ERAP1: variants seen among roughly 807,000 people sequenced by gnomAD.
ERAP1 encodes the protein endoplasmic reticulum aminopeptidase 1.
In ERAP1, 86 loss-of-function variants were observed where a neutral mutation model predicts 103.7. That is an observed-to-expected ratio of 0.83 (90% CI 0.70 to 0.99). The LOEUF (loss-of-function observed/expected upper bound fraction) is 0.99. ERAP1 is among the 50% of genes least tolerant of loss of function. The pLI is 0.00. For missense variants in ERAP1, 1,009 were observed against 1,128.4 expected, an observed-to-expected ratio of 0.89 and a Z score of 1.52; for synonymous variants, 398 against 402.4, an observed-to-expected ratio of 0.99 and a Z score of 0.13.
At chr5:96,887,657 T>C in the ERAP1 span, among the ~76,000 whole-genome samples, 6 of 152,262 alleles carry the variant, frequency 3.9e-5, no homozygotes, top group Non-Finnish European at 8.8e-5. Context: ...TTTATAATTT[T>C]TAGAGTCTTC....
intron 12 of ERAP1, 107 bp from the exon 13 acceptor site, chr5:96,786,078 A>T: frequency 9.3e-7 from 1 of 1,075,356 alleles, no homozygotes; most frequent in South Asian, 1.4e-5. Flanking sequence ...AATACTGAAA[A>T]ATTTGAAAAC....
chr5:96,841,668 T>G, the ERAP1 span, among the ~76,000 whole-genome samples: 1 of 151,298 alleles, frequency 6.6e-6, no homozygotes, highest in African/African-American at 2.4e-5. Flanking sequence ...AACAGTAACT[T>G]AAAACAATAG....
At chr5:96,848,997 A>G in the ERAP1 span, among the ~76,000 whole-genome samples, 3 of 152,230 alleles carry the variant, frequency 2.0e-5, no homozygotes, top group Non-Finnish European at 4.4e-5. Flanking sequence ...AATGTAATTG[A>G]TCATATTAAC....
chr5:96,818,640 C>T, the ERAP1 span, among the ~76,000 whole-genome samples: 749 of 152,224 alleles, frequency 4.9e-3, 4 homozygotes, highest in African/African-American at 0.016. Flanking sequence ...CTTTCTTCAA[C>T]GCCCGAGGCA....
At chr5:96,915,896 C>A in the ERAP1 span, 1 of 711,324 alleles carries the variant, frequency 1.4e-6, no homozygotes, top group Non-Finnish European at 2.2e-6. Context: ...TGTCCAATGC[C>A]ATATAGCAAG....
chr5:96,786,525 T>C lies in ERAP1; in HGVS notation c.1704A>G (p.Thr568=), dbSNP rs1561679273. The change falls in exon 12 of 19, where the codon ACA becomes ACG. Residue 568 remains threonine (T), a synonymous_variant. Coordinates refer to ENST00000443439, the MANE Select transcript of ERAP1 (RefSeq NM_001040458.3). ...CCATGTCGGATTTGCTGGTGATGAATGTCAATGGAACATGCCACAGGTACC... is the reference window on the plus strand; with the variant it reads ...CCATGTCGGATTTGCTGGTGATGAACGTCAATGGAACATGCCACAGGTACC... ...DTGYLWHVPL[T]FITSKSDMVH... is the part of the protein sequence containing the mutation. 6.2e-7 allele frequency: 1 copy of C among 1,612,868 alleles called. No homozygotes were observed. The highest frequency in any genetic ancestry group is 2.2e-5 in the East Asian group (1 of 44,880).
chr5:96,895,324 A>T, the ERAP1 span: 1 of 1,612,258 alleles, frequency 6.2e-7, no homozygotes, highest in Non-Finnish European at 8.5e-7. Context: ...CATGGAACTT[A>T]TCGCTGTTAA....
chr5:96,791,987 G>T, intron 8 of ERAP1, 74 bp downstream of exon 8: 1 of 1,550,598 alleles, frequency 6.4e-7, no homozygotes, highest in Non-Finnish European at 8.9e-7. Context: ...CCACAACCTT[G>T]CCTATAACTT....
intron 19 of ERAP1, chr5:96,767,480 A>G (rs1241154281): frequency 1.2e-6 from 2 of 1,611,932 alleles, no homozygotes; most frequent in Non-Finnish European, 1.7e-6. Context: ...AGAGGATTCA[A>G]AGGTAAAGAC....
At chr5:96,900,000 C>A in the ERAP1 span, 1 of 1,177,442 alleles carries the variant, frequency 8.5e-7, no homozygotes, top group Non-Finnish European at 1.2e-6. Context: ...TGTTCATTAT[C>A]ATGTCTGGAT....
chr5:96,856,080 G>A, the ERAP1 span, among the ~76,000 whole-genome samples: 3 of 151,392 alleles, frequency 2.0e-5, no homozygotes, highest in Non-Finnish European at 4.4e-5. Flanking sequence ...ACCCCTTTAG[G>A]GAGGCCCAGG....
At chr5:96,925,320 G>A in the ERAP1 span, among the ~76,000 whole-genome samples, 14 of 152,254 alleles carry the variant, frequency 9.2e-5, no homozygotes, top group Non-Finnish European at 4.4e-5. Context: ...TTTTACAAAG[G>A]AGAAAGTGAA....
chr5:96,835,339 T>A, the ERAP1 span, among the ~76,000 whole-genome samples: 1 of 152,286 alleles, frequency 6.6e-6, no homozygotes, highest in East Asian at 1.9e-4. Flanking sequence ...AGAACTTGAT[T>A]GAGGACAAGA....
Position 96,774,600 on chromosome 5 carries a change from G to A in ERAP1, c.*1796C>T. Reference sequence around the variant, plus strand: ...AAGCAAACAAAGATAGGTTCCTCAGGTGACCAAAACTGAAAATCAATATTT... The same window carrying A: ...AAGCAAACAAAGATAGGTTCCTCAGATGACCAAAACTGAAAATCAATATTT... On this transcript the variant is annotated 3_prime_UTR_variant, in exon 19 of 19. Transcript: ENST00000443439. 15 of 985,458 alleles carry A rather than the reference G, an allele frequency of 1.5e-5. No homozygotes were observed. The highest frequency in any genetic ancestry group is 4.7e-5 in the South Asian group (1 of 21,288). 61.0% of individuals were successfully genotyped at this position (985,458 alleles called of 1,614,324 possible). A position where few individuals can be genotyped will look rare whatever the true frequency, so the allele number is the denominator to read the frequency against.
chr5:96,847,108 C>T, the ERAP1 span, among the ~76,000 whole-genome samples: 3 of 149,906 alleles, frequency 2.0e-5, no homozygotes, highest in Admixed American at 6.6e-5. Context: ...AATAGCTGGA[C>T]GTGGCTGCGT....
chr5:96,901,730 C>T, the ERAP1 span: 20 of 1,571,204 alleles, frequency 1.3e-5, no homozygotes, highest in Admixed American at 1.5e-4. Flanking sequence ...TCAGTTTCCT[C>T]GTTATTTCCT....
the ERAP1 span, among the ~76,000 whole-genome samples, chr5:96,838,802 T>C: frequency 7.3e-6 from 1 of 137,418 alleles, no homozygotes; most frequent in African/African-American, 2.7e-5. Context: ...TGTAAATCAC[T>C]TGTCTCTAAC....
chr5:96,867,014 T>C, the ERAP1 span, among the ~76,000 whole-genome samples: 3 of 136,250 alleles, frequency 2.2e-5, no homozygotes, highest in Non-Finnish European at 3.2e-5. Flanking sequence ...TTCTGATATT[T>C]TTTTTTTTTT....
chr5:96,854,038 A>C, the ERAP1 span, among the ~76,000 whole-genome samples: 1 of 152,262 alleles, frequency 6.6e-6, no homozygotes, highest in Admixed American at 6.5e-5. Flanking sequence ...GAATGCAGCC[A>C]TTTCTGACTT....
Sources: gnomAD v4.1 joint callset for allele counts (sites outside exome capture counted in the v4.1 genomes callset) on GRCh38, gnomAD v4.1.1 for gene constraint, MANE v1.5 for transcripts, NCBI Gene and HGNC (gene_info 2026-07-23, HGNC 2026-07-21) for gene names.